Variants in SEMA5A observed in about 807,000 individuals in gnomAD.
SEMA5A encodes the protein semaphorin 5A, also known as semaphorin-5A.
SEMA5A carries 55 observed loss-of-function variants against 135.5 expected under a neutral mutation model. The ratio of observed to expected loss-of-function variants is 0.41; its 90% CI spans 0.33 to 0.51. The LOEUF (loss-of-function observed/expected upper bound fraction) is 0.51. Ranked by LOEUF, SEMA5A falls within the 20% of genes least tolerant of loss-of-function variation. The pLI, the probability that SEMA5A is intolerant of heterozygous loss-of-function variation, is 0.37. For missense variants in SEMA5A, 1,290 were observed against 1,419.9 expected (o/e 0.91, Z 1.47); for synonymous variants, 580 against 546.5 (o/e 1.06, Z -0.85).
At chr5:9,153,635 G>A (rs898397360) in intron 12 of SEMA5A, among the ~76,000 whole-genome samples, 2 of 152,090 alleles carry the variant, frequency 1.3e-5, no homozygotes, top group African/African-American at 4.8e-5. Flanking sequence ...CGGAAAGTGG[G>A]TGCCACTGCA....
At chr5:9,062,505 A>G (rs1737237579) in intron 18 of SEMA5A, among the ~76,000 whole-genome samples, 1 of 152,138 alleles carries the variant, frequency 6.6e-6, no homozygotes, top group Admixed American at 6.5e-5. Flanking sequence ...TCGCTCTGTT[A>G]CCCAGGGTGG....
intron 11 of SEMA5A, among the ~76,000 whole-genome samples, chr5:9,156,234 T>G (rs1742948277): frequency 6.6e-6 from 1 of 152,320 alleles, no homozygotes; most frequent in African/African-American, 2.4e-5. Context: ...TCAAATTAAT[T>G]TTGACTTGGA....
At chr5:9,352,688 A>G (rs1754181851) in intron 3 of SEMA5A, among the ~76,000 whole-genome samples, 1 of 152,246 alleles carries the variant, frequency 6.6e-6, no homozygotes, top group African/African-American at 2.4e-5. Context: ...CATCTTTAAC[A>G]TTTATGAAAT....
chr5:9,380,736 T>C (rs140867472), intron 2 of SEMA5A, among the ~76,000 whole-genome samples: 2 of 152,302 alleles, frequency 1.3e-5, no homozygotes, highest in East Asian at 3.9e-4. Flanking sequence ...AGCATTAAAG[T>C]AATACAGGCC....
intron 4 of SEMA5A, among the ~76,000 whole-genome samples, chr5:9,323,116 C>T (rs1246937862): frequency 6.6e-6 from 1 of 151,966 alleles, no homozygotes; most frequent in Admixed American, 6.6e-5. Context: ...AACTCCCTGC[C>T]CATACCTAAT....
chr5:9,518,230 T>C (rs887960524), intron 1 of SEMA5A: 6 of 152,198 alleles, frequency 3.9e-5, no homozygotes, highest in Admixed American at 1.3e-4. Flanking sequence ...TTTTTACAAA[T>C]CGGTTATTTA....
At chr5:9,490,642 G>T (rs1361565585) in intron 1 of SEMA5A, among the ~76,000 whole-genome samples, 1 of 152,104 alleles carries the variant, frequency 6.6e-6, no homozygotes, top group African/African-American at 2.4e-5. Flanking sequence ...TAAAATAAAT[G>T]GTCTGCAAAG....
At chr5:9,273,804 C>T (rs1750112306) in intron 5 of SEMA5A, among the ~76,000 whole-genome samples, 1 of 152,032 alleles carries the variant, frequency 6.6e-6, no homozygotes, top group African/African-American at 2.4e-5. Context: ...GATTTTGTCA[C>T]CACCAGGCCT....
chr5:9,299,524 T>G (rs1349395116), intron 5 of SEMA5A, among the ~76,000 whole-genome samples: 2 of 152,096 alleles, frequency 1.3e-5, no homozygotes, highest in Non-Finnish European at 2.9e-5. Flanking sequence ...GCTTCCAATC[T>G]TGGGTGGGGT....
At chr5:9,142,192 T>A (rs1742099680) in intron 12 of SEMA5A, among the ~76,000 whole-genome samples, 1 of 152,168 alleles carries the variant, frequency 6.6e-6, no homozygotes, top group South Asian at 2.1e-4. Flanking sequence ...GTCTGGTGAA[T>A]CCCCACTTCG....
At chr5:9,502,127 C>A (rs1201889217) in intron 1 of SEMA5A, among the ~76,000 whole-genome samples, 2 of 152,032 alleles carry the variant, frequency 1.3e-5, no homozygotes, top group South Asian at 2.1e-4. Context: ...AAATAAAAAA[C>A]AACAATATTG....
intron 5 of SEMA5A, among the ~76,000 whole-genome samples, chr5:9,278,785 C>T (rs1041671378): frequency 2.6e-5 from 4 of 152,216 alleles, no homozygotes; most frequent in East Asian, 1.9e-4. Context: ...GTAGCATCTA[C>T]GTGGTGCTGG....
intron 3 of SEMA5A, among the ~76,000 whole-genome samples, chr5:9,353,993 C>G (rs1313298983): frequency 1.4e-5 from 2 of 145,194 alleles, no homozygotes; most frequent in Admixed American, 6.8e-5. Flanking sequence ...AAAAAAGAAA[C>G]AAAAGCTGAC....
chr5:9,201,748 G>C (rs1209435792), intron 9 of SEMA5A, among the ~76,000 whole-genome samples: 1 of 152,092 alleles, frequency 6.6e-6, no homozygotes, highest in Non-Finnish European at 1.5e-5. Flanking sequence ...TCTTGATTTG[G>C]CGTATTTTTC....
chr5:9,349,850 C>T (rs538025585), intron 3 of SEMA5A, among the ~76,000 whole-genome samples: 5 of 151,852 alleles, frequency 3.3e-5, no homozygotes, highest in East Asian at 1.9e-4. Flanking sequence ...TGCAGTGTGC[C>T]GAGATTGCGC....
chr5:9,498,053 T>G (rs1461094566), intron 1 of SEMA5A, among the ~76,000 whole-genome samples: 1 of 152,220 alleles, frequency 6.6e-6, no homozygotes, highest in Non-Finnish European at 1.5e-5. Context: ...TTTTTAAATT[T>G]TCTGTATACT....
chr5:9,394,022 C>T (rs1034914425), intron 2 of SEMA5A, among the ~76,000 whole-genome samples: 1 of 151,610 alleles, frequency 6.6e-6, no homozygotes, highest in East Asian at 1.9e-4. Context: ...CAATATTTAC[C>T]GCCAATAAAA....
chr5:9,109,801 A>G (rs1415619385), intron 15 of SEMA5A, among the ~76,000 whole-genome samples: 1 of 152,198 alleles, frequency 6.6e-6, no homozygotes, highest in Non-Finnish European at 1.5e-5. Context: ...CTATCTTAAT[A>G]CACAGTGGCA....
At chr5:9,081,065 G>A (rs1175894986) in intron 16 of SEMA5A, among the ~76,000 whole-genome samples, 1 of 152,194 alleles carries the variant, frequency 6.6e-6, no homozygotes, top group African/African-American at 2.4e-5. Context: ...CTTGTGGTGA[G>A]TGGCCCATAT....
Sources: allele counts gnomAD v4.1 joint callset (sites outside exome capture counted in the v4.1 genomes callset), GRCh38; gene constraint gnomAD v4.1.1; transcripts MANE v1.5; gene names NCBI Gene and HGNC (gene_info 2026-07-23, HGNC 2026-07-21).